The following FRMD4B variants were observed in gnomAD, a reference collection of about 807,000 sequenced individuals.
FRMD4B encodes the protein FERM domain-containing protein 4B.
In FRMD4B, 74 loss-of-function variants were observed where a neutral mutation model predicts 141.5. The observed-to-expected ratio is 0.52, with a 90% CI of 0.43 to 0.63. The LOEUF (loss-of-function observed/expected upper bound fraction) is 0.63, where lower values mean the gene tolerates loss of function less well. Ranked by LOEUF, FRMD4B falls within the 30% of genes least tolerant of loss-of-function variation. The probability of loss-of-function intolerance (pLI) is 0.00; values close to 1 mark genes in which losing one functional copy is unlikely to be tolerated. For synonymous variants in FRMD4B, 506 were observed against 467.9 expected (o/e 1.08, Z -1.05); for missense variants, 1,366 against 1,253.4 (o/e 1.09, Z -1.36).
chr3:69,369,684 A>C (rs1251363600), intron 1 of FRMD4B, among the ~76,000 whole-genome samples: 6 of 151,720 alleles, frequency 4.0e-5, no homozygotes, highest in African/African-American at 1.2e-4. Flanking sequence ...TCTGGCATCA[A>C]TACCTAGAAA....
chr3:69,185,787 A>G (rs965072401), intron 19 of FRMD4B, among the ~76,000 whole-genome samples: 7 of 152,172 alleles, frequency 4.6e-5, no homozygotes, highest in African/African-American at 1.4e-4. Flanking sequence ...CATGCCTGTA[A>G]TCCTAGCACT....
chr3:69,204,069 T>A (rs1575606484), intron 11 of FRMD4B, among the ~76,000 whole-genome samples: 1 of 152,102 alleles, frequency 6.6e-6, no homozygotes, highest in Non-Finnish European at 1.5e-5. Flanking sequence ...CGTTTCTGTA[T>A]CATGGAGGAC....
At position 69,414,456 on chromosome 3, in the gene FRMD4B, C is replaced by T. The variant is rs141533451; in HGVS notation, c.-1+18178G>A. Among the ~76,000 whole-genome samples the T allele has an allele frequency of 7.1e-4, 108 of 152,328 alleles. 1 individual carries two copies. The East Asian group carries it at 0.019, about 27-fold the overall frequency. On this transcript the variant is annotated intron_variant, in intron 2 of 5. Coordinates refer to the FRMD4B transcript ENST00000459638. Reference sequence around the variant, plus strand: ...TGTAAGAGATGGTTCTTCTTTTCAGCGAAGGAAAATAATGCTTCTTTTTAA... The same window carrying T: ...TGTAAGAGATGGTTCTTCTTTTCAGTGAAGGAAAATAATGCTTCTTTTTAA...
At position 69,432,396 on chromosome 3, in the gene FRMD4B, C is replaced by T. The variant is rs371706069; in HGVS notation, c.-1+238G>A. Among the ~76,000 whole-genome samples the T allele has an allele frequency of 7.2e-5, 11 of 152,268 alleles. No individual in the cohort carries two copies. The East Asian group carries it at 7.7e-4, about 11-fold the overall frequency. Reference sequence around the variant, plus strand: ...TATAAAATGTAAGCATATCATTCAACTTTGGGGTGTTTGACTTTCATTTGA... The same window carrying T: ...TATAAAATGTAAGCATATCATTCAATTTTGGGGTGTTTGACTTTCATTTGA... On this transcript the variant is annotated intron_variant, in intron 2 of 5. Coordinates refer to the FRMD4B transcript ENST00000459638.
At chr3:69,516,341 G>T (rs961599181) in intron 1 of FRMD4B, among the ~76,000 whole-genome samples, 1 of 152,124 alleles carries the variant, frequency 6.6e-6, no homozygotes, top group African/African-American at 2.4e-5. Context: ...ATCTTAAGAC[G>T]GGGATGTTAT....
At chr3:69,313,186 G>A (rs1701661047) in intron 2 of FRMD4B, among the ~76,000 whole-genome samples, 1 of 152,174 alleles carries the variant, frequency 6.6e-6, no homozygotes, top group Non-Finnish European at 1.5e-5. Context: ...GCTATTAAGT[G>A]TCAAGCTGAG....
At chr3:69,494,020 G>A (rs146067438) in intron 1 of FRMD4B, among the ~76,000 whole-genome samples, 2 of 152,166 alleles carry the variant, frequency 1.3e-5, no homozygotes, top group Non-Finnish European at 2.9e-5. Context: ...GGGACTACAG[G>A]TGTAAGCCAC....
intron 1 of FRMD4B, among the ~76,000 whole-genome samples, chr3:69,385,506 G>A (rs796909716): frequency 3.3e-5 from 5 of 152,280 alleles, no homozygotes; most frequent in African/African-American, 9.6e-5. Flanking sequence ...TCATTTGAAT[G>A]TCTAAGTGGC....
At chr3:69,468,941 T>G (rs9814026) in intron 1 of FRMD4B, among the ~76,000 whole-genome samples, 6,169 of 152,268 alleles carry the variant, frequency 0.041, 443 homozygotes, top group African/African-American at 0.14. Context: ...GCCTGTATAG[T>G]CCGAGCTTCA....
At chr3:69,490,818 C>G (rs533789055) in intron 1 of FRMD4B, among the ~76,000 whole-genome samples, 3 of 152,242 alleles carry the variant, frequency 2.0e-5, no homozygotes, top group Admixed American at 6.5e-5. Context: ...TTGGCCGATG[C>G]CTTTAGGGTG....
At chr3:69,271,507 T>C (rs905913292) in intron 5 of FRMD4B, among the ~76,000 whole-genome samples, 2 of 152,178 alleles carry the variant, frequency 1.3e-5, no homozygotes, top group Non-Finnish European at 2.9e-5. Flanking sequence ...AGATGACAGG[T>C]ATAACGAGCT....
At chr3:69,322,740 G>T (rs1056746356) in intron 1 of FRMD4B, among the ~76,000 whole-genome samples, 1 of 151,938 alleles carries the variant, frequency 6.6e-6, no homozygotes, top group Admixed American at 6.6e-5. Flanking sequence ...GGGACCACAG[G>T]CATGTGCCAC....
chr3:69,414,349 C>A (rs1428656003), intron 2 of FRMD4B, among the ~76,000 whole-genome samples: 3 of 152,180 alleles, frequency 2.0e-5, no homozygotes, highest in Non-Finnish European at 2.9e-5. Flanking sequence ...AGGAAAAAAA[C>A]CACAAAAACA....
chr3:69,480,112 AT>A (rs1236197157), intron 1 of FRMD4B, among the ~76,000 whole-genome samples: 1 of 150,308 alleles, frequency 6.7e-6, no homozygotes, highest in Non-Finnish European at 1.5e-5. Context: ...ATTCGTCTAA[AT>A]TTTTTTCAAA....
chr3:69,304,555 G>A (rs896658369), intron 3 of FRMD4B, among the ~76,000 whole-genome samples: 2 of 149,896 alleles, frequency 1.3e-5, no homozygotes, highest in African/African-American at 4.9e-5. Context: ...TATATATTAT[G>A]GGCTTACTGA....
intron 5 of FRMD4B, among the ~76,000 whole-genome samples, chr3:69,285,261 G>A (rs1450898803): frequency 1.3e-5 from 2 of 151,752 alleles, no homozygotes; most frequent in African/African-American, 4.8e-5. Flanking sequence ...GAGGGAAACT[G>A]AAGACAAAGC....
rs149262040 is a variant in FRMD4B at position 69,529,488 on chromosome 3, C to A, written c.-129+12718G>T. 4.6e-5 allele frequency among the ~76,000 whole-genome samples: 7 copies of A among 152,230 alleles called. No individual in the cohort carries two copies. In the East Asian group the frequency reaches 1.4e-3, roughly 29 times the overall value. On this transcript the variant is annotated intron_variant, in intron 1 of 5. Transcript: ENST00000459638. Reference sequence around the variant, plus strand: ...ATTACCACTTGTCTGGGATCTGCAACCAATTCCCTTAACTCCCAGGCCAGA... The same window carrying A: ...ATTACCACTTGTCTGGGATCTGCAAACAATTCCCTTAACTCCCAGGCCAGA...
intron 5 of FRMD4B, among the ~76,000 whole-genome samples, chr3:69,287,437 G>A (rs1438090929): frequency 6.6e-6 from 1 of 152,182 alleles, no homozygotes; most frequent in Admixed American, 6.5e-5. Context: ...TGGCCTAGAC[G>A]TTTTGATTAT....
chr3:69,536,310 C>T (rs371578969), intron 1 of FRMD4B: 4 of 646,616 alleles, frequency 6.2e-6, no homozygotes, highest in African/African-American at 3.6e-5. Flanking sequence ...TCCTCTTGTG[C>T]TTGGGATCTA....
Sources: allele counts gnomAD v4.1 joint callset (sites outside exome capture counted in the v4.1 genomes callset), GRCh38; gene constraint gnomAD v4.1.1; transcripts MANE v1.5; gene names NCBI Gene and HGNC (gene_info 2026-07-23, HGNC 2026-07-21).